The following C12orf56 variants were observed in gnomAD, a reference collection of about 807,000 sequenced individuals.
The protein encoded by C12orf56 is chromosome 12 open reading frame 56, also known as uncharacterized protein C12orf56.
Under a neutral mutation model 69.9 loss-of-function variants are expected in C12orf56, and 71 were observed. That is an observed-to-expected ratio of 1.02 (90% confidence interval 0.84 to 1.24). The LOEUF (loss-of-function observed/expected upper bound fraction) is 1.24. Among genes scored for constraint, C12orf56 ranks in the 50% most tolerant of loss-of-function variants. C12orf56 has a pLI of 0.00. For missense variants in C12orf56, 732 were observed against 738.5 expected (o/e 0.99, Z 0.10); for synonymous variants, 276 against 274.1 (o/e 1.01, Z -0.07).
At chr12:64,316,006 T>C (rs1035988810) in intron 4 of C12orf56, among the ~76,000 whole-genome samples, 1 of 152,074 alleles carries the variant, frequency 6.6e-6, no homozygotes, top group Admixed American at 6.5e-5. Flanking sequence ...ACCCGATTTC[T>C]CACTTACGTG....
At chr12:64,365,490 C>A (rs2039454573) in intron 1 of C12orf56, among the ~76,000 whole-genome samples, 1 of 151,316 alleles carries the variant, frequency 6.6e-6, no homozygotes, top group Non-Finnish European at 1.5e-5. Flanking sequence ...TAAGGGAATA[C>A]AAGGAACCTA....
chr12:64,320,349 A>T (rs1456855135), intron 3 of C12orf56, among the ~76,000 whole-genome samples: 2 of 152,010 alleles, frequency 1.3e-5, no homozygotes, highest in Admixed American at 1.3e-4. Flanking sequence ...TAACAATGGG[A>T]ACTCACTATG....
At chr12:64,276,007 C>CG (rs1242636197) in intron 9 of C12orf56, among the ~76,000 whole-genome samples, 1 of 148,662 alleles carries the variant, frequency 6.7e-6, no homozygotes, top group Non-Finnish European at 1.5e-5. Context: ...ACACACCCCC[C>CG]CCCGCGAGTT....
chr12:64,372,135 T>C (rs541279771), intron 1 of C12orf56, among the ~76,000 whole-genome samples: 46 of 152,262 alleles, frequency 3.0e-4, no homozygotes, highest in African/African-American at 1.0e-3. Flanking sequence ...TTTGTACATT[T>C]ACTTATTTGA....
At chr12:64,385,982 C>T (rs2039783401) in intron 1 of C12orf56, among the ~76,000 whole-genome samples, 2 of 152,168 alleles carry the variant, frequency 1.3e-5, no homozygotes, top group South Asian at 4.1e-4. Context: ...GGAAACATGG[C>T]AAGACCCCAT....
At chr12:64,360,983 G>A (rs1403897229) in intron 1 of C12orf56, among the ~76,000 whole-genome samples, 2 of 152,166 alleles carry the variant, frequency 1.3e-5, no homozygotes, top group Non-Finnish European at 2.9e-5. Flanking sequence ...ACTTTGGGAG[G>A]CCGAGATGGG....
In C12orf56 at chr12:64,360,731, A is replaced by T. The variant is rs574051620; in HGVS notation, c.253-7675T>A. The stretch of plus-strand genomic sequence containing the variant: ...TAGGACTGTTTATGAAAGTTGAAAG[A>T]ACTGCTTTTATCCAGACCCTTTTTA... On this transcript the variant is annotated intron_variant, in intron 1 of 12. Coordinates refer to ENST00000543942, the MANE Select transcript of C12orf56 (RefSeq NM_001170633.2). Among the ~76,000 whole-genome samples, 60 of 152,344 alleles carry T rather than the reference A, an allele frequency of 3.9e-4. 1 individual carries two copies. The South Asian group carries it at 0.012, about 31-fold the overall frequency.
chr12:64,273,075 C>T (rs932856664), intron 11 of C12orf56, among the ~76,000 whole-genome samples: 7 of 152,236 alleles, frequency 4.6e-5, no homozygotes, highest in Admixed American at 3.9e-4. Context: ...TGGATGATCA[C>T]CTGAGGTCAG....
rs2038722131 is a variant in C12orf56 at position 64,318,655 on chromosome 12, A to C, written c.814T>G (p.Ser272Ala). Residue 272 changes from serine (S) to alanine (A), a missense_variant, in exon 4 of 13, where the codon TCA becomes GCA. Ser to Ala is a moderately conservative substitution (Grantham distance 99). Coordinates refer to ENST00000543942, the MANE Select transcript of C12orf56 (RefSeq NM_001170633.2). ...GAAATAACATACAAATGAAGTTCTG[A>C]CTCCTTTTTCTCTAAATTTGAGTTG... Reference protein sequence around the residue: ...QSNSNLEKKESELHLYVISTT... With the variant: ...QSNSNLEKKEAELHLYVISTT... 5 of 1,536,700 alleles carry C rather than the reference A, an allele frequency of 3.3e-6. No homozygotes were observed. The highest frequency in any genetic ancestry group is 4.9e-5 in the East Asian group (2 of 40,910).
intron 1 of C12orf56, among the ~76,000 whole-genome samples, chr12:64,374,475 C>T (rs1034550419): frequency 1.3e-5 from 2 of 152,136 alleles, no homozygotes; most frequent in East Asian, 1.9e-4. Context: ...CATTTTTCAC[C>T]ATATTTATAT....
intron 1 of C12orf56, among the ~76,000 whole-genome samples, chr12:64,378,771 C>A (rs529743335): frequency 2.9e-4 from 44 of 151,890 alleles, no homozygotes; most frequent in African/African-American, 8.9e-4. Flanking sequence ...CAGAACCTGG[C>A]TGGGCATGGT....
rs780290103 is a variant in C12orf56 at position 64,390,557 on chromosome 12, GC to G, written c.8del (p.Ser3ThrfsTer53). MA[S>X]PLPSGFPARR... ...GCGCGGGGAAGCCGGACGGCAAGGG[GC>G]TGGCCATGCCCGGCGCCCGCAGCGT... On this transcript the variant is annotated frameshift_variant, in exon 1 of 13. Transcript: ENST00000543942. LOFTEE classifies it high-confidence loss of function. The G allele has an allele frequency of 1.8e-5, 28 of 1,582,836 alleles. No individual in the cohort carries two copies. The highest frequency in any genetic ancestry group is 2.4e-5 in the Non-Finnish European group (28 of 1,170,768).
intron 2 of C12orf56, among the ~76,000 whole-genome samples, chr12:64,339,000 A>G (rs1024096791): frequency 3.9e-5 from 6 of 152,190 alleles, no homozygotes; most frequent in South Asian, 2.1e-4. Flanking sequence ...AATTTTCACC[A>G]TATATTTCCT....
chr12:64,382,015 A>C (rs1389791480), intron 1 of C12orf56, among the ~76,000 whole-genome samples: 1 of 152,114 alleles, frequency 6.6e-6, no homozygotes, highest in Admixed American at 6.5e-5. Context: ...TAATCCCAGC[A>C]CTTTGGGAGG....
At chr12:64,340,184 T>A (rs566266129) in intron 2 of C12orf56, among the ~76,000 whole-genome samples, 2 of 151,974 alleles carry the variant, frequency 1.3e-5, no homozygotes, top group African/African-American at 4.8e-5. Context: ...AAGATGTAGG[T>A]TGGGAGGCTA....
chr12:64,304,145 G>A (rs1410921203), intron 5 of C12orf56, among the ~76,000 whole-genome samples: 1 of 151,742 alleles, frequency 6.6e-6, no homozygotes, highest in Non-Finnish European at 1.5e-5. Flanking sequence ...TAAAGAAAAT[G>A]TTGTGTCACT....
In C12orf56 at chr12:64,350,415, A is replaced by C. The variant is rs146316456; in HGVS notation, c.415+2479T>G. On this transcript the variant is annotated intron_variant, in intron 2 of 12. Transcript: ENST00000543942. ...GTAATAACGTACCACAGAGTGGCTT[A>C]AAAAAAATCTATTTTCTTTGCAATA... Among the ~76,000 whole-genome samples the C allele has an allele frequency of 6.2e-3, 946 of 152,186 alleles. 11 individuals carry two copies. The highest frequency in any genetic ancestry group is 0.022 in the African/African-American group (899 of 41,514).
chr12:64,367,046 C>G (rs866667307), intron 1 of C12orf56, among the ~76,000 whole-genome samples: 64 of 5,898 alleles, frequency 0.011, no homozygotes, highest in African/African-American at 0.047. Flanking sequence ...ATAACATACA[C>G]TTTATATATT....
intron 11 of C12orf56, 50 bp from the exon 12 acceptor site, chr12:64,270,764 G>A (rs766884022): frequency 2.7e-6 from 4 of 1,476,152 alleles, no homozygotes; most frequent in Non-Finnish European, 2.7e-6. Flanking sequence ...ACCCACAAAA[G>A]CAACTATTTC....
Sources: allele counts gnomAD v4.1 joint callset (sites outside exome capture counted in the v4.1 genomes callset), GRCh38; gene constraint gnomAD v4.1.1; transcripts MANE v1.5; gene names NCBI Gene and HGNC (gene_info 2026-07-23, HGNC 2026-07-21).